Variants in ASXL1 observed in about 807,000 individuals in gnomAD.
ASXL1 encodes the protein ASXL transcriptional regulator 1.
Under a neutral mutation model 89.1 loss-of-function variants are expected in ASXL1, and 65 were observed. That is an observed-to-expected ratio of 0.73 (90% CI 0.60 to 0.90). The LOEUF (loss-of-function observed/expected upper bound fraction) is 0.90. ASXL1 is among the 40% of genes least tolerant of loss of function. ASXL1 has a pLI of 0.00. For synonymous variants in ASXL1, 739 were observed against 746.9 expected (o/e 0.99, Z 0.17); for missense variants, 1,786 against 1,942.9 (o/e 0.92, Z 1.52).
chr20:32,435,209 A>G lies in ASXL1; in HGVS notation c.2497A>G (p.Ser833Gly). 1.9e-6 allele frequency: 3 copies of G among 1,614,044 alleles called. No homozygotes were observed. Among genetic ancestry groups the G allele is most frequent in the Non-Finnish European group, 2.5e-6 (3 of 1,180,018 alleles). Residue 833 changes from serine (S) to glycine (G), a missense_variant, in exon 13 of 13, where the codon AGT becomes GGT. Physicochemically the swap from Ser to Gly is moderately conservative, Grantham distance 56. Coordinates refer to ENST00000375687, the MANE Select transcript of ASXL1 (RefSeq NM_015338.6). Reference sequence around the variant, plus strand: ...GAAAGGAACTGGCCAAGCTCTTGACAGTCATCCCACTATGAAGGATCCTGT... The same window carrying G: ...GAAAGGAACTGGCCAAGCTCTTGACGGTCATCCCACTATGAAGGATCCTGT... ...LEKGTGQALD[S>G]HPTMKDPVNV...
rs765253057 is a variant in ASXL1 at position 32,366,498 on chromosome 20, G to A, written c.140+32G>A. The A allele has an allele frequency of 1.9e-6, 3 of 1,613,076 alleles. No homozygotes were observed. The Admixed American group carries it at 5.0e-5, about 27-fold the overall frequency. On this transcript the variant is annotated intron_variant, in intron 2 of 12. Coordinates refer to ENST00000375687, the MANE Select transcript of ASXL1 (RefSeq NM_015338.6). ...ATTGTTCTTGTTGCTTAACATGAGGGTTTCATAGGATATGTGTCTTTCTGT... is the reference window on the plus strand; with the variant it reads ...ATTGTTCTTGTTGCTTAACATGAGGATTTCATAGGATATGTGTCTTTCTGT...
chr20:32,409,515 A>G (rs2049009632), intron 4 of ASXL1, among the ~76,000 whole-genome samples: 1 of 152,224 alleles, frequency 6.6e-6, no homozygotes, highest in Non-Finnish European at 1.5e-5. Context: ...ATTCTCTTTC[A>G]TAACCACATT....
At chr20:32,394,602 C>G (rs1023784895) in intron 4 of ASXL1, among the ~76,000 whole-genome samples, 2 of 152,224 alleles carry the variant, frequency 1.3e-5, no homozygotes, top group Non-Finnish European at 2.9e-5. Context: ...TAGCAGTACA[C>G]TTCATTTTCC....
rs148670852 is a variant in ASXL1 at position 32,436,919 on chromosome 20, C to T, written c.4207C>T (p.Pro1403Ser). Residue 1403 changes from proline to serine, a missense_variant, in exon 13 of 13, where the codon CCC (proline) becomes TCC (serine). Physicochemically the swap from Pro to Ser is moderately conservative, Grantham distance 74. Transcript: ENST00000375687. ...ACTGGTGGGTCACTTGGAAGGGATGCCCTTTGTCATGGACTTGCCCTTCTG... is the reference window on the plus strand; with the variant it reads ...ACTGGTGGGTCACTTGGAAGGGATGTCCTTTGTCATGGACTTGCCCTTCTG... ...LELVGHLEGM[P>S]FVMDLPFWKL... 8.7e-6 allele frequency: 14 copies of T among 1,614,200 alleles called. No individual in the cohort carries two copies. The Admixed American group carries it at 1.8e-4, about 21-fold the overall frequency.
At position 32,434,641 on chromosome 20, in the gene ASXL1, G is replaced by T. The variant is rs373998853; in HGVS notation, c.1929G>T (p.Gly643=). ...AGGCGGCCACCACTGCCATCGGAGG[G>T]GGGGGTGGCCCGGGTGGAGGTGGCG... ...HREAATTAIG[G]GGGPGGGGGG... The change falls in exon 13 of 13, where the codon GGG becomes GGT. Residue 643 remains glycine, a synonymous_variant. Transcript: ENST00000375687. 183 of 1,607,556 alleles carry T rather than the reference G, an allele frequency of 1.1e-4. No homozygotes were observed. The highest frequency in any genetic ancestry group is 4.3e-4 in the East Asian group (19 of 44,532).
At position 32,435,698 on chromosome 20, in the gene ASXL1, G is replaced by A. The variant is rs1297740523; in HGVS notation, c.2986G>A (p.Gly996Ser). The part of the protein sequence containing the change: ...NGDSEALSPH[G>S]ESTDTASDFE... ...AGACTCTGAAGCACTGAGTCCTCAC[G>A]GTGAGTCCACGGATACAGCCTCTGA... Residue 996 changes from glycine to serine, a missense_variant, in exon 13 of 13, where the codon GGT (glycine) becomes AGT (serine). This residue lies in a region of ASXL1 where 1,418 missense variants were observed against 1,427.8 expected (regional missense o/e 0.99). Coordinates refer to ENST00000375687, the MANE Select transcript of ASXL1 (RefSeq NM_015338.6). The A allele has an allele frequency of 3.1e-6, 5 of 1,614,040 alleles. No individual in the cohort carries two copies. The highest frequency in any genetic ancestry group is 3.3e-5 in the Admixed American group (2 of 60,004).
chr20:32,420,612 T>G (rs2049225872), intron 4 of ASXL1, among the ~76,000 whole-genome samples: 1 of 152,250 alleles, frequency 6.6e-6, no homozygotes, highest in Non-Finnish European at 1.5e-5. Context: ...ACAGCAAGTC[T>G]TCTTTGTACT....
rs973651081 is a variant in ASXL1 at position 32,439,134 on chromosome 20, G to T, written c.*1796G>T. 4.3e-6 allele frequency: 1 copy of T among 233,438 alleles called. No homozygotes were observed. Among genetic ancestry groups the T allele is most frequent in the South Asian group, 1.8e-4 (1 of 5,528 alleles). The allele number at this position is 233,438 out of a possible 1,614,324, so 14.5% of individuals were successfully genotyped here. ...CCAAGTCCAAGTTGTCAACTTAAGCGTCTGTTTACCAAAGACCGGGAACAG... is the reference window on the plus strand; with the variant it reads ...CCAAGTCCAAGTTGTCAACTTAAGCTTCTGTTTACCAAAGACCGGGAACAG... On this transcript the variant is annotated 3_prime_UTR_variant, in exon 13 of 13. Coordinates refer to ENST00000375687, the MANE Select transcript of ASXL1 (RefSeq NM_015338.6).
chr20:32,433,321 G>T lies in ASXL1; in HGVS notation c.1123G>T (p.Val375Leu), dbSNP rs748644253. 6.2e-7 allele frequency: 1 copy of T among 1,614,186 alleles called. No homozygotes were observed. The highest frequency in any genetic ancestry group is 8.5e-7 in the Non-Finnish European group (1 of 1,180,022). Residue 375 changes from valine (V) to leucine (L), a missense_variant, in exon 12 of 13, where the codon GTG (valine) becomes TTG (leucine). Physicochemically the swap from Val to Leu is conservative, Grantham distance 32. Transcript: ENST00000375687. ...CAAAGAAGAGTCATTGCAGCAGAAC[G>T]TGGGCCAGGAGGAGGCTGAAATCAA... is the stretch of plus-strand genomic sequence containing the variant. Reference protein sequence around the residue: ...LTKEESLQQNVGQEEAEIKSG... With the variant: ...LTKEESLQQNLGQEEAEIKSG...
At chr20:32,417,265 A>G (rs1394019553) in intron 4 of ASXL1, among the ~76,000 whole-genome samples, 2 of 152,202 alleles carry the variant, frequency 1.3e-5, no homozygotes, top group Non-Finnish European at 2.9e-5. Context: ...CAAAGATTTC[A>G]GGTAAGGGAT....
In ASXL1 at chr20:32,429,260, A is replaced by C; in HGVS notation, c.472-78A>C. ...AACTTCATTTTACAAGAGCGTGAGTAGAGATAGTGTCGCCAGGGAATGCTT... is the reference window on the plus strand; with the variant it reads ...AACTTCATTTTACAAGAGCGTGAGTCGAGATAGTGTCGCCAGGGAATGCTT... On this transcript the variant is annotated intron_variant, in intron 6 of 12. Coordinates refer to ENST00000375687, the MANE Select transcript of ASXL1 (RefSeq NM_015338.6). This position sits in a 1 kb window ranked among gnomAD's most constrained non-coding sequence, Gnocchi z 4.9. 188 of 1,332,138 alleles carry C rather than the reference A, an allele frequency of 1.4e-4. No homozygotes were observed. The highest frequency in any genetic ancestry group is 1.8e-4 in the Non-Finnish European group (170 of 938,978). 82.5% of individuals were successfully genotyped at this position (1,332,138 alleles called of 1,614,324 possible). A position where few individuals can be genotyped will look rare whatever the true frequency, so the allele number is the denominator to read the frequency against.
intron 4 of ASXL1, among the ~76,000 whole-genome samples, chr20:32,423,472 T>C (rs2123179660): frequency 1.3e-5 from 2 of 152,114 alleles, no homozygotes; most frequent in South Asian, 4.2e-4. Context: ...ACTCCCAGCT[T>C]CAGGTGGTCC....
intron 4 of ASXL1, among the ~76,000 whole-genome samples, chr20:32,406,235 A>G (rs150873052): frequency 1.0e-3 from 156 of 152,236 alleles, no homozygotes; most frequent in African/African-American, 3.6e-3. Flanking sequence ...TTCCATATGT[A>G]TAAGTCCTTT....
intron 1 of ASXL1, 111 bp downstream of exon 1, chr20:32,358,943 C>T (rs2122756268): frequency 4.4e-6 from 5 of 1,145,482 alleles, no homozygotes; most frequent in Non-Finnish European, 5.9e-6. Context: ...CGGGAGGGGG[C>T]GGGGCCATCT....
intron 4 of ASXL1, among the ~76,000 whole-genome samples, chr20:32,409,707 G>C (rs191960563): frequency 2.4e-4 from 37 of 151,830 alleles, no homozygotes; most frequent in Non-Finnish European, 1.5e-5. Flanking sequence ...CCTGTGAATA[G>C]CCACTGTACT....
intron 4 of ASXL1, among the ~76,000 whole-genome samples, chr20:32,417,639 C>A (rs2049160747): frequency 6.6e-6 from 1 of 152,072 alleles, no homozygotes; most frequent in African/African-American, 2.4e-5. Flanking sequence ...CATTAATGGA[C>A]CATTTTAGCC....
chr20:32,363,599 C>T (rs537039849), intron 1 of ASXL1, among the ~76,000 whole-genome samples: 1 of 152,356 alleles, frequency 6.6e-6, no homozygotes, highest in East Asian at 1.9e-4. Flanking sequence ...TCACTCTCAA[C>T]TGTCCTGGTT....
chr20:32,359,012 G>A, intron 1 of ASXL1, 180 bp downstream of exon 1: 1 of 681,010 alleles, frequency 1.5e-6, no homozygotes, highest in Non-Finnish European at 2.4e-6. Flanking sequence ...CGCCGGGATG[G>A]GATGTGGCGC....
Position 32,433,738 on chromosome 20 carries a change from A to T in ASXL1, c.1540A>T (p.Thr514Ser), listed in dbSNP as rs2011615640. The T allele has an allele frequency of 6.2e-7, 1 of 1,613,714 alleles. No homozygotes were observed. The highest frequency in any genetic ancestry group is 8.5e-7 in the Non-Finnish European group (1 of 1,179,754). ...CAGAATTCCTAGCCTGCCTCAGGAA[A>T]CTGTGGATCAGGAACCCAAGGATCA... Reference protein sequence around the residue: ...PDRIPSLPQETVDQEPKDQKR... With the variant: ...PDRIPSLPQESVDQEPKDQKR... The change falls in exon 12 of 13, where the codon ACT becomes TCT. Residue 514 changes from threonine to serine, a missense_variant. Physicochemically the swap from Thr to Ser is moderately conservative, Grantham distance 58. This residue lies in a region of ASXL1 where 1,418 missense variants were observed against 1,427.8 expected (regional missense o/e 0.99). Transcript: ENST00000375687.
Sources: allele counts gnomAD v4.1 joint callset (sites outside exome capture counted in the v4.1 genomes callset), GRCh38; gene constraint gnomAD v4.1.1; regional missense constraint gnomAD v4.1.1; non-coding constraint Gnocchi (gnomAD v3.1); transcripts MANE v1.5; gene names NCBI Gene and HGNC (gene_info 2026-07-23, HGNC 2026-07-21).